CD247: variants seen among roughly 807,000 people sequenced by gnomAD.
CD247 encodes CD247 molecule, also known as T-cell surface glycoprotein CD3 zeta chain.
CD247 carries 13 observed loss-of-function variants against 30.0 expected under a neutral mutation model. The ratio of observed to expected loss-of-function variants is 0.43; its 90% CI spans 0.28 to 0.69. The LOEUF is 0.69. CD247 is among the 30% of genes least tolerant of loss of function. The probability of loss-of-function intolerance (pLI) is 0.16; values close to 1 mark genes in which losing one functional copy is unlikely to be tolerated. For synonymous variants in CD247, 72 were observed against 80.0 expected (o/e 0.90, Z 0.53); for missense variants, 193 against 212.6 (o/e 0.91, Z 0.57).
At chr1:167,481,165 T>C (rs1016356115) in intron 1 of CD247, among the ~76,000 whole-genome samples, 5 of 152,148 alleles carry the variant, frequency 3.3e-5, no homozygotes, top group African/African-American at 1.2e-4. Flanking sequence ...CATGTTCATG[T>C]GGTCTCAGCT....
intron 1 of CD247, among the ~76,000 whole-genome samples, chr1:167,497,458 T>A (rs559802695): frequency 1.9e-4 from 29 of 152,354 alleles, no homozygotes; most frequent in Admixed American, 8.5e-4. Flanking sequence ...GTGAAATCGC[T>A]GACTACAGGT....
intron 1 of CD247, among the ~76,000 whole-genome samples, chr1:167,505,281 T>C (rs1244708775): frequency 2.0e-5 from 3 of 152,090 alleles, no homozygotes; most frequent in Non-Finnish European, 2.9e-5. Context: ...TTGTTGTTGT[T>C]GTTGAGATAC....
rs757294201 is a variant in CD247, at chr1:167,518,439, C to T, written c.27G>A (p.Ala9=). The change falls in exon 1 of 8, where the codon GCG becomes GCA. Residue 9 remains alanine, a synonymous_variant. Transcript: ENST00000362089. ...TCGGCAACTGTGCCTGCAGGATGGC[C>T]GCGGTGAAAAGCGCCTTCCACTTCA... The part of the protein sequence containing the change: MKWKALFT[A]AILQAQLPIT... The T allele has an allele frequency of 3.1e-6, 5 of 1,614,148 alleles. No individual in the cohort carries two copies. Among genetic ancestry groups the T allele is most frequent in the African/African-American group, 2.7e-5 (2 of 75,040 alleles).
At chr1:167,450,056 AG>A (rs1225136834) in intron 1 of CD247, among the ~76,000 whole-genome samples, 1 of 152,192 alleles carries the variant, frequency 6.6e-6, no homozygotes, top group Non-Finnish European at 1.5e-5. Context: ...TCCTTTTTAA[AG>A]GTTGCCTAAT....
chr1:167,453,041 A>ATATATAT (rs1203055026), intron 1 of CD247, among the ~76,000 whole-genome samples: 7 of 148,308 alleles, frequency 4.7e-5, no homozygotes, highest in African/African-American at 1.7e-4. Flanking sequence ...TATATTATAT[A>ATATATAT]TATATATATT....
intron 5 of CD247, chr1:167,434,552 T>A (rs1651434564): frequency 8.4e-6 from 3 of 355,800 alleles, no homozygotes; most frequent in Admixed American, 3.8e-5. Context: ...GCAACCCAGA[T>A]CGACAATCAG....
chr1:167,470,465 A>G (rs921512666), intron 1 of CD247, among the ~76,000 whole-genome samples: 2 of 149,112 alleles, frequency 1.3e-5, no homozygotes, highest in African/African-American at 2.5e-5. Context: ...TTTATTTCCT[A>G]TATGACTTTT....
chr1:167,467,814 A>G (rs1412009875), intron 1 of CD247, among the ~76,000 whole-genome samples: 2 of 152,194 alleles, frequency 1.3e-5, no homozygotes, highest in East Asian at 3.9e-4. Context: ...TAATAACGGT[A>G]TGGTACTTCT....
At chr1:167,435,502 AC>A in intron 4 of CD247, 68 bp from the exon 5 acceptor site, 3 of 1,274,638 alleles carry the variant, frequency 2.4e-6, no homozygotes, top group Non-Finnish European at 3.4e-6. Context: ...AGTACAGCAA[AC>A]CCCATCCTGC....
intron 1 of CD247, among the ~76,000 whole-genome samples, chr1:167,516,464 T>G (rs1324392606): frequency 2.6e-5 from 4 of 152,190 alleles, no homozygotes; most frequent in African/African-American, 9.7e-5. Flanking sequence ...TTAAAAGGGA[T>G]GTATGCAATG....
At chr1:167,434,849 A>C in intron 5 of CD247, 1 of 460,394 alleles carries the variant, frequency 2.2e-6, no homozygotes, top group Non-Finnish European at 4.4e-6. Context: ...TCGATCCAAG[A>C]AGGGAAGGTC....
intron 1 of CD247, among the ~76,000 whole-genome samples, chr1:167,444,454 G>A (rs1651976973): frequency 6.6e-6 from 1 of 152,186 alleles, no homozygotes; most frequent in African/African-American, 2.4e-5. Context: ...CTACTTTTCT[G>A]TAAAAGTGGA....
At chr1:167,490,377 C>T (rs1654397566) in intron 1 of CD247, among the ~76,000 whole-genome samples, 1 of 152,320 alleles carries the variant, frequency 6.6e-6, no homozygotes, top group Admixed American at 6.5e-5. Context: ...GTAAGCCCAG[C>T]ACTTTGGGAG....
At position 167,434,022 on chromosome 1, in the gene CD247, C is replaced by T. The variant is rs773572491; in HGVS notation, c.391G>A (p.Glu131Lys). 23 of 1,613,586 alleles carry T rather than the reference C, an allele frequency of 1.4e-5. No homozygotes were observed. The highest frequency in any genetic ancestry group is 1.3e-5 in the Non-Finnish European group (15 of 1,179,546). The change falls in exon 6 of 8, where the codon GAG becomes AAG. Residue 131 changes from glutamate to lysine, a missense_variant and splice_region_variant. Coordinates refer to ENST00000362089, the MANE Select transcript of CD247 (RefSeq NM_198053.3). The stretch of plus-strand genomic sequence containing the variant: ...AATTAAGAAACAGCAACACTCACCT[C>T]GCCTTTCATCCCAATCTCACTGTAG... ...EAYSEIGMKG[E>K]RRRGKGHDGL... is the part of the protein sequence containing the mutation.
At chr1:167,497,584 ATGT>A (rs533440542) in intron 1 of CD247, among the ~76,000 whole-genome samples, 4 of 152,164 alleles carry the variant, frequency 2.6e-5, no homozygotes, top group Non-Finnish European at 5.9e-5. Flanking sequence ...AAGGTTGTAA[ATGT>A]TGTTGGTATT....
rs912823817 is a variant in CD247, at chr1:167,431,343, C to G, written c.*338G>C. The stretch of plus-strand genomic sequence containing the variant: ...CTAGCATCTGCGCTTTCTCTGGGGA[C>G]TTTACAAAACAGACTCAACAACTCA... On this transcript the variant is annotated 3_prime_UTR_variant, in exon 8 of 8. Coordinates refer to ENST00000362089, the MANE Select transcript of CD247 (RefSeq NM_198053.3). 3 of 591,572 alleles carry G rather than the reference C, an allele frequency of 5.1e-6. No individual in the cohort carries two copies. In the African/African-American group the frequency reaches 5.6e-5, roughly 11 times the overall value. 36.6% of individuals were successfully genotyped at this position (591,572 alleles called of 1,614,324 possible). A position where few individuals can be genotyped will look rare whatever the true frequency, so the allele number is the denominator to read the frequency against.
chr1:167,484,504 C>T (rs34191030), intron 1 of CD247, among the ~76,000 whole-genome samples: 2,137 of 152,302 alleles, frequency 0.014, 48 homozygotes, highest in African/African-American at 0.049. Flanking sequence ...CAGCCAGGCG[C>T]GGTGGCTCAC....
At chr1:167,504,920 C>A (rs1016284382) in intron 1 of CD247, among the ~76,000 whole-genome samples, 1 of 152,068 alleles carries the variant, frequency 6.6e-6, no homozygotes, top group Non-Finnish European at 1.5e-5. Flanking sequence ...ATATATCTGT[C>A]GATTCTACAA....
At chr1:167,460,919 G>A (rs1468773480) in intron 1 of CD247, among the ~76,000 whole-genome samples, 1 of 152,228 alleles carries the variant, frequency 6.6e-6, no homozygotes, top group Non-Finnish European at 1.5e-5. Flanking sequence ...TGTCCAGGCA[G>A]CCAGAATGAA....
Sources: allele counts gnomAD v4.1 joint callset (sites outside exome capture counted in the v4.1 genomes callset), GRCh38; gene constraint gnomAD v4.1.1; transcripts MANE v1.5; gene names NCBI Gene and HGNC (gene_info 2026-07-23, HGNC 2026-07-21).